The following EPHA5 variants were observed in gnomAD, a reference collection of about 807,000 sequenced individuals.
EPHA5 encodes the protein ephrin type-A receptor 5.
EPHA5 carries 60 observed loss-of-function variants against 105.0 expected under a neutral mutation model. That is an observed-to-expected ratio of 0.57 (90% confidence interval 0.46 to 0.71). EPHA5 has a LOEUF of 0.71. EPHA5 is among the 30% of genes least tolerant of loss of function. EPHA5 has a pLI of 0.00. For missense variants in EPHA5, 1,218 were observed against 1,274.7 expected (o/e 0.96, Z 0.68); for synonymous variants, 513 against 449.1 (o/e 1.14, Z -1.80).
intron 14 of EPHA5, 74 bp downstream of exon 14, chr4:65,347,980 G>A: frequency 7.2e-7 from 1 of 1,381,782 alleles, no homozygotes. Context: ...TTTCAGAAAT[G>A]AAAAACATTG....
At chr4:65,414,900 T>C (rs1294123651) in intron 6 of EPHA5, among the ~76,000 whole-genome samples, 2 of 152,228 alleles carry the variant, frequency 1.3e-5, no homozygotes, top group African/African-American at 4.8e-5. Context: ...GTGAATTCAA[T>C]TTCTAATTGT....
chr4:65,368,689 T>C (rs1247244953), intron 8 of EPHA5, among the ~76,000 whole-genome samples: 2 of 152,204 alleles, frequency 1.3e-5, no homozygotes, highest in Non-Finnish European at 2.9e-5. Context: ...GATGCTTTTC[T>C]ATTGCATTAC....
intron 3 of EPHA5, among the ~76,000 whole-genome samples, chr4:65,509,243 A>G (rs184363077): frequency 1.3e-5 from 2 of 152,298 alleles, no homozygotes; most frequent in Admixed American, 6.5e-5. Flanking sequence ...TCCTTTAACA[A>G]CATATCTTAT....
intron 1 of EPHA5, among the ~76,000 whole-genome samples, chr4:65,668,802 T>A (rs1446107384): frequency 6.6e-6 from 1 of 152,000 alleles, no homozygotes; most frequent in Non-Finnish European, 1.5e-5. Context: ...CTTTAAGACA[T>A]GCCCAGGTGG....
intron 3 of EPHA5, among the ~76,000 whole-genome samples, chr4:65,585,641 T>C (rs536356833): frequency 1.3e-4 from 19 of 151,744 alleles, no homozygotes; most frequent in African/African-American, 4.6e-4. Context: ...CAAAACAAAA[T>C]AAAAGAAAAC....
chr4:65,537,880 T>A (rs189606104), intron 3 of EPHA5, among the ~76,000 whole-genome samples: 43 of 151,822 alleles, frequency 2.8e-4, no homozygotes, highest in Middle Eastern at 3.4e-3. Flanking sequence ...AAAATAATCA[T>A]CACAAAAATT....
At chr4:65,645,344 G>T (rs901979222) in intron 1 of EPHA5, among the ~76,000 whole-genome samples, 6 of 152,070 alleles carry the variant, frequency 3.9e-5, no homozygotes, top group African/African-American at 1.4e-4. Context: ...TTGAGCAGCA[G>T]CATATCTGTG....
At position 65,323,826 on chromosome 4, in the gene EPHA5, A is replaced by T. The variant is rs1719826596; in HGVS notation, c.*288T>A. On this transcript the variant is annotated 3_prime_UTR_variant, in exon 17 of 17. Transcript: ENST00000613740. ...TATAATTATATATTTCATGTACAAA[A>T]TTTTGTAGAAGTAGTGGGAAGGATT... 1 of 264,020 alleles carries T rather than the reference A, an allele frequency of 3.8e-6. No homozygotes were observed. The highest frequency in any genetic ancestry group is 5.4e-5 in the Admixed American group (1 of 18,690). 16.4% of individuals were successfully genotyped at this position (264,020 alleles called of 1,614,324 possible).
chr4:65,553,685 TTG>T (rs1248188777), intron 3 of EPHA5, among the ~76,000 whole-genome samples: 1 of 152,014 alleles, frequency 6.6e-6, no homozygotes, highest in East Asian at 1.9e-4. Context: ...AAATAAATAT[TTG>T]TGAAATATTG....
intron 5 of EPHA5, among the ~76,000 whole-genome samples, chr4:65,455,255 A>G (rs1417690001): frequency 6.6e-6 from 1 of 152,064 alleles, no homozygotes; most frequent in Non-Finnish European, 1.5e-5. Context: ...AAAATAAAAT[A>G]AAAATAAATA....
At chr4:65,479,085 T>A (rs1367351023) in intron 5 of EPHA5, among the ~76,000 whole-genome samples, 2 of 152,168 alleles carry the variant, frequency 1.3e-5, no homozygotes, top group East Asian at 1.9e-4. Context: ...ATTTATTCCA[T>A]GGATTCATGC....
chr4:65,367,645 T>C (rs1050343276), intron 8 of EPHA5, among the ~76,000 whole-genome samples: 31 of 152,112 alleles, frequency 2.0e-4, no homozygotes, highest in Non-Finnish European at 1.3e-4. Flanking sequence ...CTGAGGAGCC[T>C]GAAGCCATCC....
At chr4:65,405,698 T>C (rs1722288777) in intron 7 of EPHA5, among the ~76,000 whole-genome samples, 2 of 152,126 alleles carry the variant, frequency 1.3e-5, no homozygotes, top group Non-Finnish European at 2.9e-5. Flanking sequence ...TTCTCTCTTT[T>C]TGCATAATAT....
intron 5 of EPHA5, among the ~76,000 whole-genome samples, chr4:65,472,616 C>G (rs1182872470): frequency 6.6e-6 from 1 of 152,220 alleles, no homozygotes; most frequent in African/African-American, 2.4e-5. Flanking sequence ...CTTGCACCCT[C>G]TGAAGCAATG....
chr4:65,454,447 A>C (rs1458673607), intron 5 of EPHA5, among the ~76,000 whole-genome samples: 1 of 152,204 alleles, frequency 6.6e-6, no homozygotes, highest in Non-Finnish European at 1.5e-5. Flanking sequence ...ATGTCAATGC[A>C]TGAAAAAGGC....
chr4:65,509,179 C>T (rs1733358029), intron 3 of EPHA5, among the ~76,000 whole-genome samples: 1 of 152,134 alleles, frequency 6.6e-6, no homozygotes, highest in Non-Finnish European at 1.5e-5. Flanking sequence ...TAGAGACATA[C>T]TTCTTTACTT....
At chr4:65,618,845 G>A (rs1261595686) in intron 2 of EPHA5, among the ~76,000 whole-genome samples, 1 of 152,140 alleles carries the variant, frequency 6.6e-6, no homozygotes, top group Non-Finnish European at 1.5e-5. Flanking sequence ...GTCAGTTACA[G>A]AAAAGGCCAT....
intron 3 of EPHA5, among the ~76,000 whole-genome samples, chr4:65,496,813 G>T (rs76850835): frequency 6.6e-6 from 1 of 152,130 alleles, no homozygotes; most frequent in South Asian, 2.1e-4. Flanking sequence ...CACAAAAGGC[G>T]TTCAAAGAGT....
At chr4:65,642,687 T>A (rs1163598652) in intron 2 of EPHA5, among the ~76,000 whole-genome samples, 1 of 152,024 alleles carries the variant, frequency 6.6e-6, no homozygotes, top group Non-Finnish European at 1.5e-5. Flanking sequence ...TCTGGTTTAC[T>A]CATTAATTTG....
Sources: allele counts gnomAD v4.1 joint callset (sites outside exome capture counted in the v4.1 genomes callset), GRCh38; gene constraint gnomAD v4.1.1; transcripts MANE v1.5; gene names NCBI Gene and HGNC (gene_info 2026-07-23, HGNC 2026-07-21).